The following ATP1B1 variants were observed in gnomAD, a reference collection of about 807,000 sequenced individuals.
The protein encoded by ATP1B1 is ATPase Na+/K+ transporting subunit beta 1, also known as sodium/potassium-transporting ATPase subunit beta-1.
In ATP1B1, 3 loss-of-function variants were observed where a neutral mutation model predicts 39.6. The ratio of observed to expected loss-of-function variants is 0.08; its 90% CI spans 0.03 to 0.20. ATP1B1 has a LOEUF of 0.20. ATP1B1 is among the 10% of genes least tolerant of loss of function. The pLI, the probability that ATP1B1 is intolerant of heterozygous loss-of-function variation, is 1.00. For synonymous variants in ATP1B1, 139 were observed against 135.0 expected (o/e 1.03, Z -0.20); for missense variants, 216 against 371.1 (o/e 0.58, Z 3.43).
intron 2 of ATP1B1, among the ~76,000 whole-genome samples, chr1:169,117,863 G>T (rs1657884901): frequency 6.6e-6 from 1 of 152,184 alleles, no homozygotes; most frequent in Admixed American, 6.5e-5. Flanking sequence ...ACATGCATGA[G>T]TAGATCTTAT....
intron 1 of ATP1B1, chr1:169,110,656 C>T: frequency 7.8e-7 from 1 of 1,285,072 alleles, no homozygotes; most frequent in Non-Finnish European, 1.0e-6. Context: ...TGCAGCCCAG[C>T]AAGTCAGTCA....
At position 169,131,897 on chromosome 1, in the gene ATP1B1, C is replaced by T. The variant is rs1346095765; in HGVS notation, c.*342C>T. 8.4e-6 allele frequency: 3 copies of T among 355,732 alleles called. No individual in the cohort carries two copies. The highest frequency in any genetic ancestry group is 1.5e-5 in the Non-Finnish European group (3 of 194,060). 22.0% of individuals were successfully genotyped at this position (355,732 alleles called of 1,614,324 possible). ...TGTGTATTTTATTTAGTGTACAGTA[C>T]TACAGGTGCATACTCTGGTCATTTT... On this transcript the variant is annotated 3_prime_UTR_variant, in exon 6 of 6. Transcript: ENST00000367815. The surrounding 1 kb of genome is among the most constrained non-coding windows in gnomAD (Gnocchi z 4.4).
chr1:169,130,991 C>T (rs1300309084), intron 5 of ATP1B1, among the ~76,000 whole-genome samples: 1 of 152,090 alleles, frequency 6.6e-6, no homozygotes, highest in Non-Finnish European at 1.5e-5. Context: ...GAGATAATAT[C>T]ACTAGACAGA....
At chr1:169,126,517 G>C (rs1234208363) in intron 3 of ATP1B1, among the ~76,000 whole-genome samples, 1 of 152,066 alleles carries the variant, frequency 6.6e-6, no homozygotes, top group Non-Finnish European at 1.5e-5. Flanking sequence ...AATCAAAAAA[G>C]CCTGGGCAAC....
Position 169,132,098 on chromosome 1 carries a change from A to C in ATP1B1, c.*543A>C. ...TCGATGAGCATTTTTAACATACTCC[A>C]TAGTCTTTTCCTGTGGTGTTAGGTC... is the stretch of plus-strand genomic sequence containing the variant. On this transcript the variant is annotated 3_prime_UTR_variant, in exon 6 of 6. Coordinates refer to ENST00000367815, the MANE Select transcript of ATP1B1 (RefSeq NM_001677.4). 2.3e-6 allele frequency: 1 copy of C among 436,290 alleles called. No individual in the cohort carries two copies. The allele number at this position is 436,290 out of a possible 1,614,324, so 27.0% of individuals were successfully genotyped here. A position where few individuals can be genotyped will look rare whatever the true frequency, so the allele number is the denominator to read the frequency against.
chr1:169,131,628 C>T lies in ATP1B1; in HGVS notation c.*73C>T. 6.7e-7 allele frequency: 1 copy of T among 1,503,498 alleles called. No homozygotes were observed. The highest frequency in any genetic ancestry group is 8.9e-7 in the Non-Finnish European group (1 of 1,117,576). The allele number at this position is 1,503,498 out of a possible 1,614,324, so 93.1% of individuals were successfully genotyped here. ...GATACAAAAACAAAAACCTACTAGTCTTGAACAAACTGTCATACGTATGGG... is the reference window on the plus strand; with the variant it reads ...GATACAAAAACAAAAACCTACTAGTTTTGAACAAACTGTCATACGTATGGG... On this transcript the variant is annotated 3_prime_UTR_variant, in exon 6 of 6. Coordinates refer to ENST00000367815, the MANE Select transcript of ATP1B1 (RefSeq NM_001677.4). The surrounding 1 kb of genome is among the most constrained non-coding windows in gnomAD (Gnocchi z 4.4).
chr1:169,108,499 C>G (rs1222782248), intron 1 of ATP1B1, among the ~76,000 whole-genome samples: 1 of 152,058 alleles, frequency 6.6e-6, no homozygotes, highest in Non-Finnish European at 1.5e-5. Context: ...GTGGTCTGAC[C>G]CTGCTGCGTC....
At chr1:169,122,635 T>C (rs1203005769) in intron 2 of ATP1B1, among the ~76,000 whole-genome samples, 1 of 152,158 alleles carries the variant, frequency 6.6e-6, no homozygotes, top group African/African-American at 2.4e-5. Context: ...TATTTTAAAC[T>C]GAAGATTTTT....
chr1:169,126,155 TAAAAG>T (rs1161470689), intron 3 of ATP1B1, among the ~76,000 whole-genome samples: 2 of 152,220 alleles, frequency 1.3e-5, no homozygotes, highest in Non-Finnish European at 2.9e-5. Flanking sequence ...TTTAGTAACT[TAAAAG>T]AACATTTTCA....
chr1:169,109,103 C>G (rs931681394), intron 1 of ATP1B1, among the ~76,000 whole-genome samples: 5 of 152,216 alleles, frequency 3.3e-5, no homozygotes, highest in Admixed American at 2.0e-4. Flanking sequence ...GGAGAAATCA[C>G]AGCATGCAAA....
chr1:169,113,292 C>T (rs1284469189), intron 2 of ATP1B1, among the ~76,000 whole-genome samples: 2 of 152,126 alleles, frequency 1.3e-5, no homozygotes, highest in African/African-American at 2.4e-5. Flanking sequence ...TCTCGAACTC[C>T]TGGCCTCAGG....
At chr1:169,107,913 A>AT (rs1657639575) in intron 1 of ATP1B1, 1 of 152,354 alleles carries the variant, frequency 6.6e-6, no homozygotes, top group South Asian at 2.1e-4. Flanking sequence ...CATCATCATG[A>AT]CCATCACCAC....
intron 5 of ATP1B1, among the ~76,000 whole-genome samples, chr1:169,130,907 A>G (rs1423825424): frequency 6.6e-6 from 1 of 152,178 alleles, no homozygotes; most frequent in Admixed American, 6.5e-5. Context: ...GAGTTCCCAG[A>G]CAGTGCTAGC....
intron 1 of ATP1B1, chr1:169,110,589 T>TGG: frequency 1.1e-6 from 1 of 894,726 alleles, no homozygotes; most frequent in Non-Finnish European, 1.5e-6. Flanking sequence ...TTTTTTTTGC[T>TGG]TTTGCAGCTA....
chr1:169,119,986 A>G (rs1657939575), intron 2 of ATP1B1, among the ~76,000 whole-genome samples: 1 of 152,024 alleles, frequency 6.6e-6, no homozygotes, highest in Admixed American at 6.6e-5. Flanking sequence ...ACTTGAGAAG[A>G]GGAATTTTTC....
At chr1:169,125,353 A>G (rs545406549) in intron 3 of ATP1B1, among the ~76,000 whole-genome samples, 1 of 152,298 alleles carries the variant, frequency 6.6e-6, no homozygotes, top group South Asian at 2.1e-4. Context: ...AAGTACAGCT[A>G]CTTATTTCCT....
intron 2 of ATP1B1, among the ~76,000 whole-genome samples, chr1:169,122,978 T>C (rs1658011839): frequency 6.6e-6 from 1 of 152,150 alleles, no homozygotes; most frequent in African/African-American, 2.4e-5. Flanking sequence ...TCTCTATCCC[T>C]TCCATTCCTC....
At position 169,127,374 on chromosome 1, in the gene ATP1B1, T is replaced by C. The variant is rs1658110851; in HGVS notation, c.533T>C (p.Ile178Thr). 6.2e-7 allele frequency: 1 copy of C among 1,611,962 alleles called. No individual in the cohort carries two copies. Among genetic ancestry groups the C allele is most frequent in the Non-Finnish European group, 8.5e-7 (1 of 1,179,528 alleles). ...AAAGAGGGCAAACCGTGCATTATTA[T>C]AAAGCTCAACCGAGTTCTAGGCTTC... ...GYKEGKPCII[I>T]KLNRVLGFKP... The change falls in exon 4 of 6, where the codon ATA becomes ACA. Residue 178 changes from isoleucine (I) to threonine (T), a missense_variant. By Grantham distance (89) the Ile-to-Thr change is moderately conservative. Coordinates refer to ENST00000367815, the MANE Select transcript of ATP1B1 (RefSeq NM_001677.4).
Position 169,106,735 on chromosome 1 carries a change from C to T in ATP1B1, c.-95C>T, listed in dbSNP as rs1353634003. 24 of 999,166 alleles carry T rather than the reference C, an allele frequency of 2.4e-5. No individual in the cohort carries two copies. The highest frequency in any genetic ancestry group is 3.0e-5 in the Non-Finnish European group (21 of 709,634). 61.9% of individuals were successfully genotyped at this position (999,166 alleles called of 1,614,324 possible). A position where few individuals can be genotyped will look rare whatever the true frequency, so the allele number is the denominator to read the frequency against. ...AGCGGCGCGTCCTGCCTGCAGAGAG[C>T]CAGGCCGGAGAAGCCGAGCGGCGCA... On this transcript the variant is annotated 5_prime_UTR_variant, in exon 1 of 6. Transcript: ENST00000367815.
Sources: gnomAD v4.1 joint callset for allele counts (sites outside exome capture counted in the v4.1 genomes callset) on GRCh38, gnomAD v4.1.1 for gene constraint, Gnocchi (gnomAD v3.1) non-coding constraint, MANE v1.5 for transcripts, NCBI Gene and HGNC (gene_info 2026-07-23, HGNC 2026-07-21) for gene names.